HIVEP2: variants seen among roughly 807,000 people sequenced by gnomAD.
The protein encoded by HIVEP2 is transcription factor HIVEP2.
HIVEP2 carries 14 observed loss-of-function variants against 180.7 expected under a neutral mutation model. The ratio of observed to expected loss-of-function variants is 0.08; its 90% CI spans 0.05 to 0.12. HIVEP2 has a LOEUF of 0.12. HIVEP2 is among the 10% of genes least tolerant of loss of function. The pLI, the probability that HIVEP2 is intolerant of heterozygous loss-of-function variation, is 1.00. For synonymous variants in HIVEP2, 1,184 were observed against 1,136.4 expected, an observed-to-expected ratio of 1.04 and a Z score of -0.84; for missense variants, 2,579 against 3,008.5, an observed-to-expected ratio of 0.86 and a Z score of 3.34.
intron 1 of HIVEP2, among the ~76,000 whole-genome samples, chr6:142,847,828 T>TA (rs1157981045): frequency 6.6e-6 from 1 of 152,002 alleles, no homozygotes; most frequent in African/African-American, 2.4e-5. Context: ...CTACTAATAT[T>TA]AAAAAAAAGC....
chr6:142,920,043 G>A (rs1197588507), intron 1 of HIVEP2, among the ~76,000 whole-genome samples: 1 of 152,128 alleles, frequency 6.6e-6, no homozygotes, highest in Non-Finnish European at 1.5e-5. Context: ...TTCTACAGTA[G>A]GAAAGTTGGT....
At chr6:142,890,007 G>A (rs550142915) in intron 1 of HIVEP2, among the ~76,000 whole-genome samples, 1 of 152,148 alleles carries the variant, frequency 6.6e-6, no homozygotes, top group Non-Finnish European at 1.5e-5. Flanking sequence ...CATCAATGGA[G>A]CACCCTTTAA....
intron 1 of HIVEP2, among the ~76,000 whole-genome samples, chr6:142,858,947 G>A (rs1402625543): frequency 6.6e-6 from 1 of 152,058 alleles, no homozygotes; most frequent in East Asian, 1.9e-4. Context: ...TTACTATACT[G>A]CAGTTTGTTT....
rs1458177049 is a variant in HIVEP2 at position 142,760,313 on chromosome 6, T to G, written c.5975A>C (p.Asp1992Ala). Residue 1992 changes from aspartate to alanine, a missense_variant, in exon 9 of 10, where the codon GAT (aspartate) becomes GCT (alanine). Physicochemically the swap from Asp to Ala is moderately radical, Grantham distance 126. Around this residue, in one of 11 missense-constraint regions of HIVEP2, gnomAD observed 660 missense variants for 731.7 expected, o/e 0.90. Transcript: ENST00000367603. Reference sequence around the variant, plus strand: ...CCTCTGGTATTCTGTCATCTGGGTATCTTCACATGAATCACTGGGTGTCAT... The same window carrying G: ...CCTCTGGTATTCTGTCATCTGGGTAGCTTCACATGAATCACTGGGTGTCAT... ...QLMTPSDSCE[D>A]TQMTEYQRLF... is the part of the protein sequence containing the mutation. 1 of 1,614,198 alleles carries G rather than the reference T, an allele frequency of 6.2e-7. No homozygotes were observed. Among genetic ancestry groups the G allele is most frequent in the Non-Finnish European group, 8.5e-7 (1 of 1,180,016 alleles).
chr6:142,893,015 G>A (rs947300710), intron 1 of HIVEP2, among the ~76,000 whole-genome samples: 2 of 152,216 alleles, frequency 1.3e-5, no homozygotes, highest in Non-Finnish European at 2.9e-5. Flanking sequence ...CTATGGGAAA[G>A]GTGAAGATTC....
intron 9 of HIVEP2, among the ~76,000 whole-genome samples, chr6:142,757,461 C>T (rs1231815060): frequency 6.6e-6 from 1 of 152,086 alleles, no homozygotes; most frequent in Non-Finnish European, 1.5e-5. Flanking sequence ...GAAATCGAGA[C>T]CATCCTGGCC....
chr6:142,910,050 A>G (rs1243064621), intron 1 of HIVEP2, among the ~76,000 whole-genome samples: 1 of 152,218 alleles, frequency 6.6e-6, no homozygotes, highest in Non-Finnish European at 1.5e-5. Context: ...TGACTTCCAT[A>G]TACTGCTCCT....
chr6:142,917,128 T>G (rs573325951), intron 1 of HIVEP2, among the ~76,000 whole-genome samples: 1 of 152,222 alleles, frequency 6.6e-6, no homozygotes, highest in Admixed American at 6.5e-5. Context: ...TCAAAGGTGA[T>G]TAGTTGATAA....
chr6:142,777,173 A>G (rs1582849629), intron 3 of HIVEP2, among the ~76,000 whole-genome samples: 1 of 152,228 alleles, frequency 6.6e-6, no homozygotes, highest in African/African-American at 2.4e-5. Flanking sequence ...TGCTGGAAAT[A>G]TATCCTTACA....
intron 1 of HIVEP2, among the ~76,000 whole-genome samples, chr6:142,929,737 T>C (rs1777897258): frequency 6.6e-6 from 1 of 152,180 alleles, no homozygotes; most frequent in Non-Finnish European, 1.5e-5. Flanking sequence ...AAACTCATTG[T>C]TTCATTCAGG....
At chr6:142,757,445 G>A (rs1409285936) in intron 9 of HIVEP2, among the ~76,000 whole-genome samples, 1 of 152,166 alleles carries the variant, frequency 6.6e-6, no homozygotes. Flanking sequence ...CGGATCATGA[G>A]GTCAAGAAAT....
rs1396582575 is a variant in HIVEP2, at chr6:142,753,397, G to A, written c.7051C>T (p.Pro2351Ser). ...TGGTGGGGCTCCTGCACCCGCGCTG[G>A]CTGATCTGGCCCGAGCAGAGCTGCC... ...EEAALLGPDQ[P>S]ARVQEPHQNP... The change falls in exon 10 of 10, where the codon CCA (proline) becomes TCA (serine). Residue 2351 changes from proline to serine, a missense_variant. Transcript: ENST00000367603. The A allele has an allele frequency of 2.5e-5, 41 of 1,613,968 alleles. No individual in the cohort carries two copies. Among genetic ancestry groups the A allele is most frequent in the Non-Finnish European group, 3.0e-5 (35 of 1,180,022 alleles).
chr6:142,869,769 T>A (rs1168817091), intron 1 of HIVEP2, among the ~76,000 whole-genome samples: 1 of 152,174 alleles, frequency 6.6e-6, no homozygotes, highest in East Asian at 1.9e-4. Flanking sequence ...ACGTTATATA[T>A]ACATTAATTA....
At position 142,773,388 on chromosome 6, in the gene HIVEP2, C is replaced by A; in HGVS notation, c.1351G>T (p.Gly451Cys). The A allele has an allele frequency of 6.2e-7, 1 of 1,614,178 alleles. No individual in the cohort carries two copies. Among genetic ancestry groups the A allele is most frequent in the Non-Finnish European group, 8.5e-7 (1 of 1,180,030 alleles). Residue 451 changes from glycine to cysteine, a missense_variant, in exon 5 of 10, where the codon GGT (glycine) becomes TGT (cysteine). Around this residue, in one of 11 missense-constraint regions of HIVEP2, gnomAD observed 524 missense variants for 563.6 expected, o/e 0.93. Transcript: ENST00000367603. ...AATGGTTCCATTATGCCCTTCCTACCCATTGCGGCACGCTCCTGACTTGTG... is the reference window on the plus strand; with the variant it reads ...AATGGTTCCATTATGCCCTTCCTACACATTGCGGCACGCTCCTGACTTGTG... ...TTTSQERAAM[G>C]RKGIMEPLPH...
At chr6:142,908,455 G>A (rs1254507589) in intron 1 of HIVEP2, among the ~76,000 whole-genome samples, 1 of 152,076 alleles carries the variant, frequency 6.6e-6, no homozygotes, top group Non-Finnish European at 1.5e-5. Flanking sequence ...AGTCATGCTT[G>A]CCATTAACAA....
intron 3 of HIVEP2, among the ~76,000 whole-genome samples, chr6:142,778,597 A>T (rs1775764458): frequency 6.6e-6 from 1 of 152,156 alleles, no homozygotes; most frequent in Admixed American, 6.5e-5. Context: ...GTCATTTACT[A>T]TATATTTACC....
At chr6:142,897,542 A>G (rs1352709387) in intron 1 of HIVEP2, among the ~76,000 whole-genome samples, 1 of 152,232 alleles carries the variant, frequency 6.6e-6, no homozygotes, top group Non-Finnish European at 1.5e-5. Flanking sequence ...TGATTGTTAC[A>G]CATGAACAAA....
At chr6:142,860,223 G>A (rs1283956834) in intron 1 of HIVEP2, among the ~76,000 whole-genome samples, 1 of 152,086 alleles carries the variant, frequency 6.6e-6, no homozygotes, top group Non-Finnish European at 1.5e-5. Flanking sequence ...GAAGAACCCA[G>A]GTGATAAAAA....
intron 7 of HIVEP2, among the ~76,000 whole-genome samples, chr6:142,762,709 G>T (rs1775281067): frequency 6.6e-6 from 1 of 152,046 alleles, no homozygotes; most frequent in East Asian, 1.9e-4. Flanking sequence ...CTCTGGTAGG[G>T]GTGTTCAGCT....
Sources: allele counts gnomAD v4.1 joint callset (sites outside exome capture counted in the v4.1 genomes callset), GRCh38; gene constraint gnomAD v4.1.1; regional missense constraint gnomAD v4.1.1; transcripts MANE v1.5; gene names NCBI Gene and HGNC (gene_info 2026-07-23, HGNC 2026-07-21).